The following PDE2A variants were observed in gnomAD, a reference collection of about 807,000 sequenced individuals.
PDE2A encodes the protein phosphodiesterase 2A.
PDE2A carries 53 observed loss-of-function variants against 133.6 expected under a neutral mutation model. That is an observed-to-expected ratio of 0.40 (90% CI 0.32 to 0.50). The LOEUF is 0.50. Ranked by LOEUF, PDE2A falls within the 20% of genes least tolerant of loss-of-function variation. The probability of loss-of-function intolerance (pLI) is 0.73; values close to 1 mark genes in which losing one functional copy is unlikely to be tolerated. For missense variants in PDE2A, 796 were observed against 1,232.4 expected (o/e 0.65, Z 5.30); for synonymous variants, 491 against 490.2 (o/e 1.00, Z -0.02).
chr11:72,584,399 T>C, intron 18 of PDE2A, 86 bp from the exon 19 acceptor site: 1 of 1,239,142 alleles, frequency 8.1e-7, no homozygotes, highest in South Asian at 1.3e-5. Context: ...GCCCTCGCAG[T>C]TTCCGCAGGT....
At chr11:72,581,255 T>G (rs1038859650) in intron 23 of PDE2A, 102 bp downstream of exon 23, 2 of 1,199,984 alleles carry the variant, frequency 1.7e-6, no homozygotes, top group Admixed American at 2.0e-5. Flanking sequence ...GAAGATCCCA[T>G]GAGGCAGTGC....
At chr11:72,602,567 G>A (rs1410091678) in intron 4 of PDE2A, among the ~76,000 whole-genome samples, 1 of 152,176 alleles carries the variant, frequency 6.6e-6, no homozygotes, top group Non-Finnish European at 1.5e-5. Flanking sequence ...GGTCACCATC[G>A]GAAGGACCCT....
intron 4 of PDE2A, among the ~76,000 whole-genome samples, chr11:72,602,886 T>G (rs1856819398): frequency 6.6e-6 from 1 of 152,136 alleles, no homozygotes; most frequent in African/African-American, 2.4e-5. Context: ...TGCTGGGAGC[T>G]CCTGAGAGCA....
rs149710097 is a variant in PDE2A, at chr11:72,608,877, C to A, written c.145-126G>T. The A allele has an allele frequency of 7.8e-6, 5 of 638,048 alleles. No individual in the cohort carries two copies. The East Asian group carries it at 1.4e-4, about 18-fold the overall frequency. The allele number at this position is 638,048 out of a possible 1,614,324, so 39.5% of individuals were successfully genotyped here. A position where few individuals can be genotyped will look rare whatever the true frequency, so the allele number is the denominator to read the frequency against. The stretch of plus-strand genomic sequence containing the variant: ...GCCCGAGTCTTTCAGGCACAGGAAT[C>A]CCAGGATCTTAGGATCTCAAAATCA... On this transcript the variant is annotated intron_variant, in intron 2 of 30. Transcript: ENST00000334456.
rs1856558820 is a variant in PDE2A at position 72,597,877 on chromosome 11, C to T, written c.324-258G>A. 6.6e-6 allele frequency among the ~76,000 whole-genome samples: 1 copy of T among 152,288 alleles called. No homozygotes were observed. Among genetic ancestry groups the T allele is most frequent in the South Asian group, 2.1e-4 (1 of 4,820 alleles). ...TCGGGTGGGGCCCAGTGCAGATCTT[C>T]CAGGCAGTGGGAGAGCAGAGGAAGT... is the stretch of plus-strand genomic sequence containing the variant. On this transcript the variant is annotated intron_variant, in intron 4 of 30. Coordinates refer to ENST00000334456, the MANE Select transcript of PDE2A (RefSeq NM_002599.5). This position sits in a 1 kb window ranked among gnomAD's most constrained non-coding sequence, Gnocchi z 4.6.
chr11:72,598,088 T>A (rs1470553907), intron 4 of PDE2A, among the ~76,000 whole-genome samples: 1 of 152,142 alleles, frequency 6.6e-6, no homozygotes, highest in Non-Finnish European at 1.5e-5. Context: ...ATAACTAAAG[T>A]TTATTGGCCA....
At chr11:72,628,090 A>T (rs1858176171) in intron 2 of PDE2A, among the ~76,000 whole-genome samples, 1 of 152,182 alleles carries the variant, frequency 6.6e-6, no homozygotes. Context: ...CCATGCCCAT[A>T]GAACTTCCAT....
intron 4 of PDE2A, among the ~76,000 whole-genome samples, chr11:72,604,562 A>T (rs1446396105): frequency 6.6e-6 from 1 of 152,216 alleles, no homozygotes; most frequent in Non-Finnish European, 1.5e-5. Context: ...ACAATCCTAT[A>T]AGCACCATTA....
At position 72,588,798 on chromosome 11, in the gene PDE2A, C is replaced by T; in HGVS notation, c.1056G>A (p.Lys352=). The change falls in exon 13 of 31, where the codon AAG becomes AAA. Residue 352 remains lysine (K), a synonymous_variant. Coordinates refer to ENST00000334456, the MANE Select transcript of PDE2A (RefSeq NM_002599.5). ...QVVALACAFN[K]LEGDLFTDED... ...CAAAGACTCACAAGTCTCCTTCTAG[C>T]TTGTTGAAGGCGCAGGCCAAGGCCA... is the stretch of plus-strand genomic sequence containing the variant. The T allele has an allele frequency of 6.2e-7, 1 of 1,602,682 alleles. No homozygotes were observed. Among genetic ancestry groups the T allele is most frequent in the Non-Finnish European group, 8.5e-7 (1 of 1,171,928 alleles).
rs781587337 is a variant in PDE2A at position 72,581,353 on chromosome 11, T to C, written c.2045+4A>G. On this transcript the variant is annotated splice_donor_region_variant and intron_variant, in intron 23 of 30. Coordinates refer to ENST00000334456, the MANE Select transcript of PDE2A (RefSeq NM_002599.5). Reference sequence around the variant, plus strand: ...CCAGATGTGGGGGAGATGCAGCCACTCACTCGAGGTAGTTGGTGAGCTCCA... The same window carrying C: ...CCAGATGTGGGGGAGATGCAGCCACCCACTCGAGGTAGTTGGTGAGCTCCA... 1 of 1,612,878 alleles carries C rather than the reference T, an allele frequency of 6.2e-7. No individual in the cohort carries two copies. Among genetic ancestry groups the C allele is most frequent in the South Asian group, 1.1e-5 (1 of 90,428 alleles).
At chr11:72,598,567 C>T (rs1215001964) in intron 4 of PDE2A, 2 of 1,289,032 alleles carry the variant, frequency 1.6e-6, no homozygotes, top group Non-Finnish European at 2.0e-6. Context: ...CTTCATCCCT[C>T]ATGCTGCCTC....
chr11:72,606,095 C>T (rs938752750), intron 3 of PDE2A, among the ~76,000 whole-genome samples: 5 of 151,934 alleles, frequency 3.3e-5, no homozygotes, highest in African/African-American at 1.2e-4. Flanking sequence ...TCCCCAAGGG[C>T]CCAGAGCAGC....
Position 72,584,228 on chromosome 11 carries a change from G to A in PDE2A, c.1623C>T (p.Ser541=), listed in dbSNP as rs147366828. 1 of 1,580,546 alleles carries A rather than the reference G, an allele frequency of 6.3e-7. No individual in the cohort carries two copies. The highest frequency in any genetic ancestry group is 8.6e-7 in the Non-Finnish European group (1 of 1,157,944). Residue 541 remains serine (S), a synonymous_variant, in exon 19 of 31, where the codon TCC becomes TCT. Coordinates refer to ENST00000334456, the MANE Select transcript of PDE2A (RefSeq NM_002599.5). The part of the protein sequence containing the change: ...KFDEDLATAF[S]IYCGISIAHS... ...GGGCGATGCTGATGCCGCAGTAGATGGAGAAGGCCGTCGCCAGGTCCTCGT... is the reference window on the plus strand; with the variant it reads ...GGGCGATGCTGATGCCGCAGTAGATAGAGAAGGCCGTCGCCAGGTCCTCGT...
intron 1 of PDE2A, among the ~76,000 whole-genome samples, chr11:72,665,760 C>T (rs978849540): frequency 1.3e-5 from 2 of 152,124 alleles, no homozygotes; most frequent in Non-Finnish European, 2.9e-5. Context: ...CAGCCCTTTC[C>T]CTAAGGGACT....
chr11:72,667,106 A>G (rs2135464675), intron 1 of PDE2A, among the ~76,000 whole-genome samples: 1 of 152,298 alleles, frequency 6.6e-6, no homozygotes, highest in African/African-American at 2.4e-5. Context: ...ACCCTGTCTC[A>G]AAACTAAACT....
chr11:72,653,575 C>A (rs1468238851), intron 1 of PDE2A, among the ~76,000 whole-genome samples: 1 of 152,062 alleles, frequency 6.6e-6, no homozygotes, highest in African/African-American at 2.4e-5. Context: ...AAGCCTGAGG[C>A]AGGAGGCAAT....
chr11:72,606,381 C>T (rs1047764312), intron 3 of PDE2A, among the ~76,000 whole-genome samples: 1 of 152,122 alleles, frequency 6.6e-6, no homozygotes, highest in South Asian at 2.1e-4. Context: ...GGAATCCTTC[C>T]CAGAAGAAGC....
At chr11:72,639,858 C>T (rs750975753) in intron 2 of PDE2A, among the ~76,000 whole-genome samples, 1 of 152,166 alleles carries the variant, frequency 6.6e-6, no homozygotes, top group South Asian at 2.1e-4. Flanking sequence ...GGAGCAAGAA[C>T]AGGATGGCAG....
intron 30 of PDE2A, among the ~76,000 whole-genome samples, chr11:72,577,894 C>A (rs1366970793): frequency 6.6e-6 from 1 of 152,160 alleles, no homozygotes. Context: ...ATCGCTTGAA[C>A]CCAGGAGGGG....
Sources: gnomAD v4.1 joint callset for allele counts (sites outside exome capture counted in the v4.1 genomes callset) on GRCh38, gnomAD v4.1.1 for gene constraint, Gnocchi (gnomAD v3.1) non-coding constraint, MANE v1.5 for transcripts, NCBI Gene and HGNC (gene_info 2026-07-23, HGNC 2026-07-21) for gene names.